Variants in MTHFS observed in about 807,000 individuals in gnomAD.
MTHFS encodes methenyltetrahydrofolate synthetase.
A neutral mutation model predicts 12.7 loss-of-function variants in MTHFS; 7 were observed. The ratio of observed to expected loss-of-function variants is 0.55; its 90% CI spans 0.31 to 1.03. MTHFS has a LOEUF of 1.03. Among genes scored for constraint, MTHFS ranks in the 50% least tolerant of loss-of-function variants. MTHFS has a pLI of 0.05. For synonymous variants in MTHFS, 100 were observed against 97.1 expected, an observed-to-expected ratio of 1.03 and a Z score of -0.18; for missense variants, 252 against 258.1, an observed-to-expected ratio of 0.98 and a Z score of 0.16.
intron 2 of MTHFS, among the ~76,000 whole-genome samples, chr15:79,875,647 C>T (rs2034182086): frequency 6.6e-6 from 1 of 152,096 alleles, no homozygotes; most frequent in Admixed American, 6.5e-5. Flanking sequence ...AGGCATAAAT[C>T]TTCATGACCT....
intron 2 of MTHFS, among the ~76,000 whole-genome samples, chr15:79,886,079 T>C (rs2034378131): frequency 6.6e-6 from 1 of 152,258 alleles, no homozygotes. Flanking sequence ...TTTTGCTACA[T>C]ATATAATACA....
At chr15:79,847,023 A>G (rs2033629430) in intron 2 of MTHFS, among the ~76,000 whole-genome samples, 1 of 152,254 alleles carries the variant, frequency 6.6e-6, no homozygotes, top group African/African-American at 2.4e-5. Context: ...AATGCACGGC[A>G]GCAGTCTCTG....
rs1482880724 is a variant in MTHFS, at chr15:79,844,150, G to A, written c.*1060C>T. On this transcript the variant is annotated 3_prime_UTR_variant, in exon 3 of 3. Coordinates refer to ENST00000258874, the MANE Select transcript of MTHFS (RefSeq NM_006441.4). ...CCCAAGAGGCTCTGAACAGCCACCGGAAGACCTTAGTCAGGGGTGCTGCAT... is the reference window on the plus strand; with the variant it reads ...CCCAAGAGGCTCTGAACAGCCACCGAAAGACCTTAGTCAGGGGTGCTGCAT... 6.6e-6 allele frequency: 1 copy of A among 152,200 alleles called. No individual in the cohort carries two copies. The highest frequency in any genetic ancestry group is 1.5e-5 in the Non-Finnish European group (1 of 68,044). The allele number at this position is 152,200 out of a possible 1,614,324, so 9.4% of individuals were successfully genotyped here. A position where few individuals can be genotyped will look rare whatever the true frequency, so the allele number is the denominator to read the frequency against.
chr15:79,884,141 A>G lies in MTHFS; in HGVS notation c.379+4952T>C, dbSNP rs375575127. On this transcript the variant is annotated intron_variant, in intron 2 of 2. Coordinates refer to ENST00000258874, the MANE Select transcript of MTHFS (RefSeq NM_006441.4). ...TTACAGGTAAGAAGACTGAAACTCT[A>G]AGAAGTTAAGTGATCTTCCCAAGGT... Among the ~76,000 whole-genome samples, 36 of 152,326 alleles carry G rather than the reference A, an allele frequency of 2.4e-4. 2 individuals carry two copies. In the South Asian group the frequency reaches 7.0e-3, roughly 30 times the overall value.
chr15:79,896,981 G>A lies in MTHFS; in HGVS notation c.8C>T (p.Ala3Val). The A allele has an allele frequency of 1.3e-6, 2 of 1,529,356 alleles. No homozygotes were observed. The highest frequency in any genetic ancestry group is 1.7e-6 in the Non-Finnish European group (2 of 1,143,900). The allele number at this position is 1,529,356 out of a possible 1,614,324, so 94.7% of individuals were successfully genotyped here. A position where few individuals can be genotyped will look rare whatever the true frequency, so the allele number is the denominator to read the frequency against. ...CCGCTTGGCGCTGCTCACCGCTGCC[G>A]CCGCCATCTCACGCCCAAGCCGAGT... is the stretch of plus-strand genomic sequence containing the variant. MA[A>V]AAVSSAKRSL... Residue 3 changes from alanine to valine, a missense_variant, in exon 1 of 3, where the codon GCG (alanine) becomes GTG (valine). Transcript: ENST00000258874.
At position 79,896,867 on chromosome 15, in the gene MTHFS, C is replaced by T. The variant is rs1417387177; in HGVS notation, c.117+5G>A. ...CCGCGGCTTCCGCTACGGGCGGCCT[C>T]GCACCTTCTGGCTCAGTACGCGGGA... On this transcript the variant is annotated splice_donor_5th_base_variant and intron_variant, in intron 1 of 2. Coordinates refer to ENST00000258874, the MANE Select transcript of MTHFS (RefSeq NM_006441.4). 1.1e-5 allele frequency: 17 copies of T among 1,542,414 alleles called. No individual in the cohort carries two copies. Among genetic ancestry groups the T allele is most frequent in the South Asian group, 1.2e-5 (1 of 84,020 alleles).
intron 2 of MTHFS, among the ~76,000 whole-genome samples, chr15:79,854,807 A>G (rs549810423): frequency 3.0e-4 from 45 of 152,222 alleles, no homozygotes; most frequent in Non-Finnish European, 5.3e-4. Context: ...TCATGTCAAC[A>G]GATAATAGTA....
chr15:79,873,337 T>C (rs1193798864), intron 2 of MTHFS, among the ~76,000 whole-genome samples: 3 of 152,274 alleles, frequency 2.0e-5, no homozygotes, highest in Middle Eastern at 6.8e-3. Context: ...AGGATATTAA[T>C]AGCACCCATG....
chr15:79,864,186 A>C (rs150828862), intron 2 of MTHFS, among the ~76,000 whole-genome samples: 2 of 152,312 alleles, frequency 1.3e-5, no homozygotes, highest in East Asian at 3.9e-4. Context: ...ACTTAGCATA[A>C]GGCTTAGCAC....
At chr15:79,867,548 A>G (rs1482295826) in intron 2 of MTHFS, among the ~76,000 whole-genome samples, 3 of 152,064 alleles carry the variant, frequency 2.0e-5, no homozygotes, top group East Asian at 3.8e-4. Context: ...AAATTCTGAA[A>G]TATTTCCAAA....
intron 2 of MTHFS, among the ~76,000 whole-genome samples, chr15:79,857,706 G>C (rs190069405): frequency 2.0e-5 from 3 of 152,060 alleles, no homozygotes; most frequent in Non-Finnish European, 2.9e-5. Flanking sequence ...CTCTTCTGGT[G>C]GGGGAGAAAC....
At position 79,886,676 on chromosome 15, in the gene MTHFS, A is replaced by T. The variant is rs576808952; in HGVS notation, c.379+2417T>A. 2.6e-5 allele frequency among the ~76,000 whole-genome samples: 4 copies of T among 152,280 alleles called. No individual in the cohort carries two copies. In the South Asian group the frequency reaches 8.3e-4, roughly 32 times the overall value. ...TTTTCATTTGACACTTATATTTGAC[A>T]TATAATACAGGTTAGGATATTCTGT... On this transcript the variant is annotated intron_variant, in intron 2 of 2. Transcript: ENST00000258874.
chr15:79,869,882 G>A lies in MTHFS; in HGVS notation c.379+19211C>T, dbSNP rs1027164510. ...AAACCCAAATGATTTTGAAAGTGAT[G>A]GGGATAAAAAGATGAGAGAAATATA... On this transcript the variant is annotated intron_variant, in intron 2 of 2. Transcript: ENST00000258874. Among the ~76,000 whole-genome samples, 3 of 152,052 alleles carry A rather than the reference G, an allele frequency of 2.0e-5. No individual in the cohort carries two copies. The East Asian group carries it at 5.8e-4, about 29-fold the overall frequency.
At chr15:79,859,062 A>C (rs2033862541) in intron 2 of MTHFS, among the ~76,000 whole-genome samples, 1 of 152,248 alleles carries the variant, frequency 6.6e-6, no homozygotes, top group Non-Finnish European at 1.5e-5. Context: ...GCATTTACAA[A>C]GGAACACAGC....
chr15:79,880,080 T>C (rs2034270484), intron 2 of MTHFS, among the ~76,000 whole-genome samples: 1 of 152,194 alleles, frequency 6.6e-6, no homozygotes, highest in Non-Finnish European at 1.5e-5. Flanking sequence ...GTTCTTTTTT[T>C]TCTTTTTAAG....
intron 2 of MTHFS, among the ~76,000 whole-genome samples, chr15:79,878,717 T>TGGAGGGA (rs1456670767): frequency 2.6e-5 from 4 of 151,686 alleles, no homozygotes; most frequent in Non-Finnish European, 5.9e-5. Flanking sequence ...TCTCCCTATG[T>TGGAGGGA]GGAGGGAGTG....
At chr15:79,870,950 C>G (rs2034094246) in intron 2 of MTHFS, among the ~76,000 whole-genome samples, 1 of 152,060 alleles carries the variant, frequency 6.6e-6, no homozygotes, top group African/African-American at 2.4e-5. Context: ...CGAGACCAGC[C>G]TGGTCAACAT....
At chr15:79,884,511 A>G (rs759632047) in intron 2 of MTHFS, among the ~76,000 whole-genome samples, 1 of 152,204 alleles carries the variant, frequency 6.6e-6, no homozygotes, top group Non-Finnish European at 1.5e-5. Flanking sequence ...CAGGAAACCA[A>G]TTTAAAGTTT....
At chr15:79,853,502 A>T (rs933012090) in intron 2 of MTHFS, among the ~76,000 whole-genome samples, 4 of 152,234 alleles carry the variant, frequency 2.6e-5, no homozygotes, top group African/African-American at 9.6e-5. Flanking sequence ...AATAAAGGAG[A>T]TAAAACTCTA....
Sources: gnomAD v4.1 joint callset for allele counts (sites outside exome capture counted in the v4.1 genomes callset) on GRCh38, gnomAD v4.1.1 for gene constraint, MANE v1.5 for transcripts, NCBI Gene and HGNC (gene_info 2026-07-23, HGNC 2026-07-21) for gene names.